Variants in TAFA1 observed in about 807,000 individuals in gnomAD.
TAFA1 encodes chemokine-like protein TAFA-1.
Under a neutral mutation model 18.5 loss-of-function variants are expected in TAFA1, and 4 were observed. That is an observed-to-expected ratio of 0.22 (90% CI 0.11 to 0.49). The LOEUF (loss-of-function observed/expected upper bound fraction) is 0.49. Among genes scored for constraint, TAFA1 ranks in the 20% least tolerant of loss-of-function variants. The pLI, the probability that TAFA1 is intolerant of heterozygous loss-of-function variation, is 0.98. For synonymous variants in TAFA1, 56 were observed against 55.2 expected (o/e 1.01, Z -0.06); for missense variants, 147 against 169.0 (o/e 0.87, Z 0.72).
intron 2 of TAFA1, among the ~76,000 whole-genome samples, chr3:68,271,773 A>G (rs2067676615): frequency 6.6e-6 from 1 of 151,740 alleles, no homozygotes. Context: ...CCCCCCTTCC[A>G]TATTAGATTT....
chr3:68,180,446 C>T (rs898507977), intron 2 of TAFA1, among the ~76,000 whole-genome samples: 2 of 152,048 alleles, frequency 1.3e-5, no homozygotes, highest in Admixed American at 6.6e-5. Flanking sequence ...GGATACTGAA[C>T]GAGAACAGCA....
chr3:68,245,239 G>C (rs1288131232), intron 2 of TAFA1, among the ~76,000 whole-genome samples: 1 of 152,180 alleles, frequency 6.6e-6, no homozygotes, highest in Non-Finnish European at 1.5e-5. Flanking sequence ...TGTCGTGCCA[G>C]TAGTTACGGC....
intron 2 of TAFA1, among the ~76,000 whole-genome samples, chr3:68,276,591 GA>G (rs1248402179): frequency 6.6e-6 from 1 of 152,158 alleles, no homozygotes; most frequent in Non-Finnish European, 1.5e-5. Context: ...ATTCTTAGCA[GA>G]AAACAAAGTT....
At chr3:68,501,769 T>A (rs2106707971) in intron 3 of TAFA1, among the ~76,000 whole-genome samples, 1 of 152,242 alleles carries the variant, frequency 6.6e-6, no homozygotes, top group Non-Finnish European at 1.5e-5. Flanking sequence ...AATGGGGGAA[T>A]GAATCTCTTT....
At chr3:68,171,501 G>A (rs1362952358) in intron 2 of TAFA1, among the ~76,000 whole-genome samples, 2 of 152,068 alleles carry the variant, frequency 1.3e-5, no homozygotes, top group African/African-American at 2.4e-5. Flanking sequence ...GGGTGAAGGA[G>A]GATCTGATTT....
At chr3:68,335,245 A>C (rs2068951482) in intron 2 of TAFA1, among the ~76,000 whole-genome samples, 1 of 152,218 alleles carries the variant, frequency 6.6e-6, no homozygotes. Flanking sequence ...AGATGTTATC[A>C]CCAACGCTTT....
intron 3 of TAFA1, among the ~76,000 whole-genome samples, chr3:68,423,778 A>G (rs1297161761): frequency 1.4e-5 from 2 of 147,216 alleles, no homozygotes; most frequent in African/African-American, 5.0e-5. Context: ...ACATGGACAA[A>G]TATGGGGGGT....
chr3:68,065,834 A>G (rs2064670037), intron 2 of TAFA1, among the ~76,000 whole-genome samples: 1 of 151,844 alleles, frequency 6.6e-6, no homozygotes, highest in Non-Finnish European at 1.5e-5. Flanking sequence ...TTAGCTAAAA[A>G]TTGAAAACAA....
intron 2 of TAFA1, among the ~76,000 whole-genome samples, chr3:68,028,870 C>T (rs1039538565): frequency 1.3e-5 from 2 of 152,068 alleles, no homozygotes; most frequent in African/African-American, 4.8e-5. Context: ...TCTTTCTCCA[C>T]AGCCTCCTGA....
intron 2 of TAFA1, among the ~76,000 whole-genome samples, chr3:68,266,596 T>C (rs1352755549): frequency 1.3e-5 from 2 of 152,144 alleles, no homozygotes; most frequent in African/African-American, 4.8e-5. Context: ...CATTTGAAAT[T>C]CTGCATTTCT....
chr3:68,125,465 G>A (rs1347819940), intron 2 of TAFA1, among the ~76,000 whole-genome samples: 2 of 152,188 alleles, frequency 1.3e-5, no homozygotes, highest in Admixed American at 6.5e-5. Flanking sequence ...CACCAAATCT[G>A]TTTATTTGGT....
intron 2 of TAFA1, among the ~76,000 whole-genome samples, chr3:68,083,562 T>C (rs1218289585): frequency 6.6e-6 from 1 of 152,200 alleles, no homozygotes; most frequent in Admixed American, 6.5e-5. Flanking sequence ...GCATGGATGT[T>C]TATGGTCACT....
chr3:68,260,216 T>C (rs1273559798), intron 2 of TAFA1, among the ~76,000 whole-genome samples: 1 of 152,150 alleles, frequency 6.6e-6, no homozygotes, highest in African/African-American at 2.4e-5. Flanking sequence ...TTGTCTTTGG[T>C]TCTGTTTATA....
chr3:68,192,095 C>G, intron 2 of TAFA1, among the ~76,000 whole-genome samples: 1 of 151,748 alleles, frequency 6.6e-6, no homozygotes, highest in Non-Finnish European at 1.5e-5. Flanking sequence ...CTTGTCTTTT[C>G]AGCTATAAGA....
intron 2 of TAFA1, among the ~76,000 whole-genome samples, chr3:68,092,462 C>A (rs753762275): frequency 6.6e-6 from 1 of 152,036 alleles, no homozygotes; most frequent in East Asian, 1.9e-4. Context: ...GGGTGAAGGA[C>A]GACTTCTTGG....
At chr3:67,997,035 A>G in the TAFA1 span, among the ~76,000 whole-genome samples, 1 of 152,150 alleles carries the variant, frequency 6.6e-6, no homozygotes, top group African/African-American at 2.4e-5. Flanking sequence ...AGAGAATGAC[A>G]TCAAGAACCT....
At chr3:68,034,260 T>C (rs1704999110) in intron 2 of TAFA1, among the ~76,000 whole-genome samples, 1 of 152,174 alleles carries the variant, frequency 6.6e-6, no homozygotes, top group African/African-American at 2.4e-5. Flanking sequence ...AGGATGCTGT[T>C]AACTATGATG....
chr3:68,379,869 A>G, intron 2 of TAFA1, among the ~76,000 whole-genome samples: 1 of 151,238 alleles, frequency 6.6e-6, no homozygotes, highest in East Asian at 1.9e-4. Context: ...GCACCCATTA[A>G]CTCCTCATTT....
At chr3:68,428,849 G>A (rs991484501) in intron 3 of TAFA1, among the ~76,000 whole-genome samples, 4 of 151,908 alleles carry the variant, frequency 2.6e-5, no homozygotes, top group African/African-American at 7.2e-5. Context: ...CTTAGAAGTC[G>A]TCATTCATGG....
Sources: allele counts gnomAD v4.1 joint callset (sites outside exome capture counted in the v4.1 genomes callset), GRCh38; gene constraint gnomAD v4.1.1; transcripts MANE v1.5; gene names NCBI Gene and HGNC (gene_info 2026-07-23, HGNC 2026-07-21).